Variants in ZNF705A observed in about 807,000 individuals in gnomAD.
ZNF705A encodes zinc finger protein 705A.
A neutral mutation model predicts 16.6 loss-of-function variants in ZNF705A; 8 were observed. The observed-to-expected ratio is 0.48, with a 90% CI of 0.28 to 0.87. ZNF705A has a LOEUF of 0.87. ZNF705A is among the 40% of genes least tolerant of loss of function. ZNF705A has a pLI of 0.10. For synonymous variants in ZNF705A, 73 were observed against 117.3 expected (o/e 0.62, Z 2.44); for missense variants, 233 against 359.9 (o/e 0.65, Z 2.85).
At chr12:8,159,304 T>C (rs1206768857) in intron 1 of ZNF705A, among the ~76,000 whole-genome samples, 1 of 152,210 alleles carries the variant, frequency 6.6e-6, no homozygotes, top group African/African-American at 2.4e-5. Context: ...TTTTGTATAA[T>C]GACTTCTTTT....
At chr12:8,163,736 G>T (rs1393674172) in intron 1 of ZNF705A, among the ~76,000 whole-genome samples, 4 of 152,140 alleles carry the variant, frequency 2.6e-5, no homozygotes, top group East Asian at 1.9e-4. Flanking sequence ...AGGGACGCAG[G>T]CCCCTTCCAG....
At chr12:8,166,542 G>A (rs1179663936) in intron 1 of ZNF705A, among the ~76,000 whole-genome samples, 1 of 152,216 alleles carries the variant, frequency 6.6e-6, no homozygotes, top group Non-Finnish European at 1.5e-5. Context: ...TGTGATGTAA[G>A]ACATGCCTTT....
At chr12:8,171,277 A>C (rs1038702018), upstream of ZNF705A, among the ~76,000 whole-genome samples, 16 of 152,244 alleles carry the variant, frequency 1.1e-4, no homozygotes, top group Non-Finnish European at 2.1e-4. Context: ...TCACTTGTAC[A>C]TAAAATGTAT....
chr12:8,171,938 T>A (rs1374430215), upstream of ZNF705A, among the ~76,000 whole-genome samples: 4 of 152,214 alleles, frequency 2.6e-5, no homozygotes, highest in Non-Finnish European at 5.9e-5. Context: ...GGTTTCACCA[T>A]GTTGGCCAGG....
upstream of ZNF705A, among the ~76,000 whole-genome samples, chr12:8,170,193 C>T (rs1282585539): frequency 6.1e-5 from 7 of 114,280 alleles, no homozygotes; most frequent in Admixed American, 1.6e-4. Flanking sequence ...CTCCCCCCCC[C>T]CCCAAAAAAA....
At chr12:8,173,701 A>C (rs187935319) in intron 1 of ZNF705A, among the ~76,000 whole-genome samples, 3 of 152,366 alleles carry the variant, frequency 2.0e-5, no homozygotes, top group Non-Finnish European at 4.4e-5. Context: ...TATATTCTGC[A>C]TAAAGCTTTT....
At chr12:8,176,663 CA>C (rs1379931585) in intron 4 of ZNF705A, among the ~76,000 whole-genome samples, 1 of 152,146 alleles carries the variant, frequency 6.6e-6, no homozygotes, top group Admixed American at 6.5e-5. Flanking sequence ...GACAAGTTAT[CA>C]GTTTGCATTG....
At chr12:8,174,074 A>G (rs1420639000) in intron 1 of ZNF705A, among the ~76,000 whole-genome samples, 1 of 152,296 alleles carries the variant, frequency 6.6e-6, no homozygotes, top group African/African-American at 2.4e-5. Context: ...TTACTGAAAA[A>G]TATCTGGGTT....
At chr12:8,178,415 C>G (rs1948503572) in exon 5 of ZNF705A, 2 of 152,888 alleles carry the variant, frequency 1.3e-5, no homozygotes, top group Non-Finnish European at 2.9e-5. Flanking sequence ...TGGTTAGCAT[C>G]CTGAAAGGAG....
At chr12:8,166,953 TC>T (rs1339301604) in intron 1 of ZNF705A, among the ~76,000 whole-genome samples, 1 of 118,808 alleles carries the variant, frequency 8.4e-6, no homozygotes, top group Non-Finnish European at 2.1e-5. Flanking sequence ...GCATTTGCTT[TC>T]CTTTTAGTTA....
chr12:8,163,444 A>G (rs991233851), intron 1 of ZNF705A, among the ~76,000 whole-genome samples: 11 of 152,210 alleles, frequency 7.2e-5, no homozygotes, highest in Non-Finnish European at 4.4e-5. Context: ...TAAATAGAGT[A>G]ACCATACACA....
intron 1 of ZNF705A, among the ~76,000 whole-genome samples, chr12:8,162,344 T>C (rs1948362848): frequency 6.6e-6 from 1 of 152,174 alleles, no homozygotes; most frequent in Non-Finnish European, 1.5e-5. Flanking sequence ...AGGGACTATT[T>C]ATACTGACTC....
At chr12:8,172,214 G>A (rs1396550862), upstream of ZNF705A, among the ~76,000 whole-genome samples, 1 of 151,602 alleles carries the variant, frequency 6.6e-6, no homozygotes, top group African/African-American at 2.4e-5. Flanking sequence ...TTATCTATAG[G>A]TGGAAATCAT....
chr12:8,177,093 A>G, exon 5 of ZNF705A: 1 of 1,611,754 alleles, frequency 6.2e-7, no homozygotes, highest in Admixed American at 1.7e-5. Context: ...TTGTTAACTC[A>G]CAGTGGAAAG....
chr12:8,169,474 A>C (rs1565414900), upstream of ZNF705A, among the ~76,000 whole-genome samples: 1 of 152,232 alleles, frequency 6.6e-6, no homozygotes, highest in Non-Finnish European at 1.5e-5. Flanking sequence ...ACTTTAAAAA[A>C]ATCTATTCTC....
chr12:8,161,244 G>A (rs1948352273), intron 1 of ZNF705A, among the ~76,000 whole-genome samples: 1 of 152,030 alleles, frequency 6.6e-6, no homozygotes, highest in African/African-American at 2.4e-5. Context: ...TGTTCTTCAG[G>A]GATACAGGTC....
exon 5 of ZNF705A, chr12:8,177,555 C>T (rs1948496206): frequency 1.2e-6 from 2 of 1,612,360 alleles, no homozygotes; most frequent in East Asian, 4.5e-5. Flanking sequence ...TGTGGGAAGG[C>T]CTTCAGTCTG....
exon 5 of ZNF705A, chr12:8,177,816 A>C: frequency 1.4e-6 from 1 of 693,682 alleles, no homozygotes; most frequent in South Asian, 2.0e-5. Context: ...CAAAGGACTC[A>C]TATTTTGAAG....
chr12:8,172,046 A>G (rs1402732523), upstream of ZNF705A, among the ~76,000 whole-genome samples: 1 of 152,088 alleles, frequency 6.6e-6, no homozygotes, highest in Non-Finnish European at 1.5e-5. Context: ...CCTAAAACAG[A>G]TTCTTACTTG....
Sources: allele counts gnomAD v4.1 joint callset (sites outside exome capture counted in the v4.1 genomes callset), GRCh38; gene constraint gnomAD v4.1.1; transcripts MANE v1.5; gene names NCBI Gene and HGNC (gene_info 2026-07-23, HGNC 2026-07-21).